The following KIF2A variants were observed in gnomAD, a reference collection of about 807,000 sequenced individuals.
The protein encoded by KIF2A is kinesin-like protein KIF2A.
Under a neutral mutation model 100.2 loss-of-function variants are expected in KIF2A, and 22 were observed. That is an observed-to-expected ratio of 0.22 (90% CI 0.16 to 0.31). The LOEUF is 0.31. Ranked by LOEUF, KIF2A falls within the 10% of genes least tolerant of loss-of-function variation. The probability of loss-of-function intolerance (pLI) is 1.00; values close to 1 mark genes in which losing one functional copy is unlikely to be tolerated. For synonymous variants in KIF2A, 268 were observed against 285.9 expected (o/e 0.94, Z 0.63); for missense variants, 495 against 898.7 (o/e 0.55, Z 5.74).
intron 1 of KIF2A, among the ~76,000 whole-genome samples, chr5:62,334,840 A>C (rs1304847844): frequency 1.3e-5 from 2 of 152,130 alleles, no homozygotes; most frequent in African/African-American, 2.4e-5. Context: ...AGGCCTGCTC[A>C]GCGCAGCCCT....
intron 20 of KIF2A, among the ~76,000 whole-genome samples, chr5:62,383,151 T>C (rs990925844): frequency 1.3e-5 from 2 of 149,374 alleles, no homozygotes. Flanking sequence ...GGTATCGAAC[T>C]CCTGACCTCA....
At chr5:62,381,015 G>A in intron 19 of KIF2A, 103 bp from the exon 20 acceptor site, 1 of 826,368 alleles carries the variant, frequency 1.2e-6, no homozygotes. Flanking sequence ...TGACATTTTA[G>A]AGAATACTAT....
intron 16 of KIF2A, among the ~76,000 whole-genome samples, chr5:62,371,893 C>G (rs983576750): frequency 2.6e-5 from 4 of 152,188 alleles, no homozygotes; most frequent in African/African-American, 7.2e-5. Context: ...ATCTGAATCA[C>G]CAACCACTGA....
At chr5:62,341,967 C>G (rs1391709641) in intron 1 of KIF2A, among the ~76,000 whole-genome samples, 1 of 152,060 alleles carries the variant, frequency 6.6e-6, no homozygotes, top group Non-Finnish European at 1.5e-5. Flanking sequence ...ATTTCTTTAA[C>G]CTCAACCACG....
intron 1 of KIF2A, among the ~76,000 whole-genome samples, chr5:62,329,480 T>C (rs1282681330): frequency 6.6e-6 from 1 of 152,250 alleles, no homozygotes; most frequent in Non-Finnish European, 1.5e-5. Flanking sequence ...TGATCTGCTG[T>C]GTGACTTCCA....
In KIF2A at chr5:62,323,538, A is replaced by G. The variant is rs190535182; in HGVS notation, c.64+17002A>G. Among the ~76,000 whole-genome samples the G allele has an allele frequency of 2.8e-3, 426 of 152,006 alleles. 2 individuals are homozygous for G. The highest frequency in any genetic ancestry group is 0.01 in the African/African-American group (415 of 41,478). On this transcript the variant is annotated intron_variant, in intron 1 of 20. Transcript: ENST00000407818. The stretch of plus-strand genomic sequence containing the variant: ...ACTCTGTCTCAAAGAAAAAAAAAAA[A>G]AAGAAGAATGTTAAAAACACATAAA...
At chr5:62,381,088 T>A in intron 19 of KIF2A, 30 bp from the exon 20 acceptor site, 3 of 1,574,880 alleles carry the variant, frequency 1.9e-6, no homozygotes, top group Non-Finnish European at 2.6e-6. Flanking sequence ...CAAAGATGCT[T>A]ATTGGATTAT....
chr5:62,334,663 C>T (rs1746841835), intron 1 of KIF2A, among the ~76,000 whole-genome samples: 1 of 152,232 alleles, frequency 6.6e-6, no homozygotes, highest in African/African-American at 2.4e-5. Context: ...TAAGTTTGCT[C>T]ACAGGTCCAG....
chr5:62,308,555 T>A (rs1745419694), intron 1 of KIF2A: 1 of 702,540 alleles, frequency 1.4e-6, no homozygotes, highest in Admixed American at 2.0e-5. Context: ...TATACGTTTA[T>A]GTGTGTGTAT....
chr5:62,365,600 C>T (rs1287588230), intron 15 of KIF2A, among the ~76,000 whole-genome samples: 1 of 151,558 alleles, frequency 6.6e-6, no homozygotes, highest in Non-Finnish European at 1.5e-5. Context: ...TTCTTTTTCT[C>T]TTTCTCTTTC....
At chr5:62,308,029 A>T (rs1197461134) in intron 1 of KIF2A, among the ~76,000 whole-genome samples, 1 of 152,234 alleles carries the variant, frequency 6.6e-6, no homozygotes, top group African/African-American at 2.4e-5. Flanking sequence ...TGACCAAGTT[A>T]CGTGAAGCTA....
chr5:62,387,694 A>G lies in KIF2A; in HGVS notation c.*2125A>G, dbSNP rs1269967924. ...AAATCTTAAAATTTTTACTATAAGG[A>G]TAGAGATGATACAAGTGAACTCTGC... On this transcript the variant is annotated 3_prime_UTR_variant, in exon 21 of 21. Transcript: ENST00000407818. 6.6e-6 allele frequency: 1 copy of G among 152,216 alleles called. No individual in the cohort carries two copies. Among genetic ancestry groups the G allele is most frequent in the Admixed American group, 6.5e-5 (1 of 15,288 alleles). 9.4% of individuals were successfully genotyped at this position (152,216 alleles called of 1,614,324 possible). A position where few individuals can be genotyped will look rare whatever the true frequency, so the allele number is the denominator to read the frequency against.
intron 1 of KIF2A, among the ~76,000 whole-genome samples, chr5:62,307,420 C>T (rs1217219744): frequency 1.3e-5 from 2 of 151,720 alleles, no homozygotes; most frequent in Non-Finnish European, 2.9e-5. Flanking sequence ...CTCTAGGTTT[C>T]TCTTGGGGAA....
In KIF2A at chr5:62,358,131, T is replaced by C. The variant is rs1748209915; in HGVS notation, c.710-6T>C. 6.5e-7 allele frequency: 1 copy of C among 1,541,724 alleles called. No homozygotes were observed. On this transcript the variant is annotated splice_polypyrimidine_tract_variant and splice_region_variant and intron_variant, in intron 8 of 20. Coordinates refer to ENST00000407818, the MANE Select transcript of KIF2A (RefSeq NM_001098511.3). ...ATTGGGCATTGATTTTCATTTATTC[T>C]TTTAGAAACTCAAATGAAAGATCTT...
chr5:62,384,116 A>C (rs1206821012), intron 20 of KIF2A, among the ~76,000 whole-genome samples: 1 of 152,182 alleles, frequency 6.6e-6, no homozygotes, highest in Non-Finnish European at 1.5e-5. Flanking sequence ...ACATGCCTGT[A>C]GTCCCAGCTA....
At chr5:62,342,941 T>G (rs2111892095) in intron 1 of KIF2A, among the ~76,000 whole-genome samples, 1 of 151,952 alleles carries the variant, frequency 6.6e-6, no homozygotes, top group South Asian at 2.1e-4. Context: ...TAGTAGAGAC[T>G]GTGTTTCACC....
At chr5:62,339,955 T>TG (rs61698418) in intron 1 of KIF2A, among the ~76,000 whole-genome samples, 12 of 150,786 alleles carry the variant, frequency 8.0e-5, no homozygotes, top group African/African-American at 2.9e-4. Flanking sequence ...TTTTTTTTTT[T>TG]GAGACAGAAT....
At chr5:62,312,386 A>G (rs1745596147) in intron 1 of KIF2A, among the ~76,000 whole-genome samples, 1 of 152,228 alleles carries the variant, frequency 6.6e-6, no homozygotes, top group Non-Finnish European at 1.5e-5. Flanking sequence ...TCCCTGAGAG[A>G]TCATCTAGAC....
chr5:62,353,713 C>G (rs1747965349), intron 6 of KIF2A, among the ~76,000 whole-genome samples: 1 of 151,808 alleles, frequency 6.6e-6, no homozygotes, highest in South Asian at 2.1e-4. Context: ...GGAAAAATAC[C>G]CAGTTAAAGT....
Sources: gnomAD v4.1 joint callset for allele counts (sites outside exome capture counted in the v4.1 genomes callset) on GRCh38, gnomAD v4.1.1 for gene constraint, MANE v1.5 for transcripts, NCBI Gene and HGNC (gene_info 2026-07-23, HGNC 2026-07-21) for gene names.